Variants in CFAP54 observed in about 807,000 individuals in gnomAD.
CFAP54 encodes the protein cilia- and flagella-associated protein 54.
CFAP54 carries 290 observed loss-of-function variants against 370.4 expected under a neutral mutation model. The ratio of observed to expected loss-of-function variants is 0.78; its 90% CI spans 0.71 to 0.86. The LOEUF is 0.86. CFAP54 is among the 40% of genes least tolerant of loss of function. The pLI, the probability that CFAP54 is intolerant of heterozygous loss-of-function variation, is 0.00. For missense variants in CFAP54, 3,399 were observed against 3,528.7 expected (o/e 0.96, Z 0.93); for synonymous variants, 1,206 against 1,236.5 (o/e 0.98, Z 0.52).
chr12:96,870,215 C>T (rs529993797), intron 67 of CFAP54, among the ~76,000 whole-genome samples: 2 of 151,362 alleles, frequency 1.3e-5, no homozygotes, highest in South Asian at 4.2e-4. Context: ...GAGCCGAGAT[C>T]GCACCACCGC....
chr12:96,708,476 A>G (rs2136590903), intron 47 of CFAP54, 132 bp from the exon 48 acceptor site: 2 of 687,020 alleles, frequency 2.9e-6, no homozygotes, highest in Non-Finnish European at 4.9e-6. Context: ...TAGACCTCCC[A>G]TTTACAATAC....
chr12:96,511,908 A>G lies in CFAP54; in HGVS notation c.740-1078A>G, dbSNP rs866567948. On this transcript the variant is annotated intron_variant, in intron 4 of 67. Coordinates refer to ENST00000524981, the MANE Select transcript of CFAP54 (RefSeq NM_001306084.2). ...CTGTTACAATTACATGCCTTTTTAA[A>G]GCATGCTACCATCTTTTGGGTATGT... is the stretch of plus-strand genomic sequence containing the variant. 5.3e-5 allele frequency among the ~76,000 whole-genome samples: 8 copies of G among 152,328 alleles called. 1 individual carries two copies. The Middle Eastern group carries it at 0.014, about 259-fold the overall frequency.
chr12:96,627,018 T>C, intron 30 of CFAP54, 79 bp downstream of exon 30: 1 of 1,084,160 alleles, frequency 9.2e-7, no homozygotes, highest in Non-Finnish European at 1.2e-6. Flanking sequence ...AAATATAAGG[T>C]AGACGAAAAA....
intron 61 of CFAP54, among the ~76,000 whole-genome samples, chr12:96,785,325 T>C (rs1205356849): frequency 6.6e-6 from 1 of 152,014 alleles, no homozygotes; most frequent in African/African-American, 2.4e-5. Flanking sequence ...TTTTTTTTAA[T>C]CATTGGTGCT....
intron 66 of CFAP54, among the ~76,000 whole-genome samples, chr12:96,849,934 G>C (rs1374580170): frequency 6.6e-6 from 1 of 152,062 alleles, no homozygotes; most frequent in Non-Finnish European, 1.5e-5. Context: ...AGCCTTTCCT[G>C]ACCTAGGGAA....
At chr12:96,791,341 T>G (rs544147570) in intron 62 of CFAP54, among the ~76,000 whole-genome samples, 8 of 152,176 alleles carry the variant, frequency 5.3e-5, no homozygotes, top group Non-Finnish European at 1.2e-4. Flanking sequence ...TATTGTTTTG[T>G]TGATCATTAG....
intron 39 of CFAP54, among the ~76,000 whole-genome samples, chr12:96,664,730 T>G (rs1390838931): frequency 1.6e-4 from 2 of 12,816 alleles, no homozygotes; most frequent in African/African-American, 4.7e-4. Flanking sequence ...TATATCTATA[T>G]ATATATATCT....
At chr12:96,807,283 C>T (rs1958891708) in intron 63 of CFAP54, among the ~76,000 whole-genome samples, 1 of 152,194 alleles carries the variant, frequency 6.6e-6, no homozygotes, top group Non-Finnish European at 1.5e-5. Flanking sequence ...AAACTTTTCT[C>T]ATCCCTACTA....
chr12:96,538,877 C>G (rs1026242871), intron 13 of CFAP54, among the ~76,000 whole-genome samples: 4 of 151,724 alleles, frequency 2.6e-5, no homozygotes, highest in East Asian at 3.9e-4. Flanking sequence ...CTCAGCCTCC[C>G]TAGTAGCTGG....
In CFAP54 at chr12:96,832,285, AT is replaced by A. The variant is rs200722226; in HGVS notation, c.9171+3198del. ...TTTTTCTTTTGTAAAAAAAAAAAAT[AT>A]ATATATATATAGGTTATAAAAAAGA... is the stretch of plus-strand genomic sequence containing the variant. On this transcript the variant is annotated intron_variant, in intron 66 of 67. Coordinates refer to ENST00000524981, the MANE Select transcript of CFAP54 (RefSeq NM_001306084.2). Among the ~76,000 whole-genome samples, 53 of 59,466 alleles carry A rather than the reference AT, an allele frequency of 8.9e-4. 1 individual carries two copies. The highest frequency in any genetic ancestry group is 2.0e-3 in the African/African-American group (42 of 20,886). The allele number at this position is 59,466 out of a possible 152,430, so 39.0% of individuals were successfully genotyped here. A position where few individuals can be genotyped will look rare whatever the true frequency, so the allele number is the denominator to read the frequency against.
In CFAP54 at chr12:96,534,177, A is replaced by G. The variant is rs908131153; in HGVS notation, c.1655A>G (p.Tyr552Cys). ...NKGLIFPLEN[Y>C]KEGQSTQIYL... ...GGTTTGATCTTTCCTTTGGAAAACT[A>G]TAAAGAAGGACAGTCAACTCAAATT... Residue 552 changes from tyrosine (Y) to cysteine (C), a missense_variant, in exon 11 of 68, where the codon TAT (tyrosine) becomes TGT (cysteine). By Grantham distance (194) the Tyr-to-Cys change is radical (BLOSUM62 -2). Coordinates refer to ENST00000524981, the MANE Select transcript of CFAP54 (RefSeq NM_001306084.2). 4.0e-6 allele frequency: 6 copies of G among 1,510,370 alleles called. No individual in the cohort carries two copies. The East Asian group carries it at 9.8e-5, about 25-fold the overall frequency. 93.6% of individuals were successfully genotyped at this position (1,510,370 alleles called of 1,614,324 possible).
chr12:96,533,855 T>A lies in CFAP54; in HGVS notation c.1421T>A (p.Ile474Lys). 1 of 1,535,108 alleles carries A rather than the reference T, an allele frequency of 6.5e-7. No individual in the cohort carries two copies. Among genetic ancestry groups the A allele is most frequent in the Non-Finnish European group, 8.7e-7 (1 of 1,146,372 alleles). Residue 474 changes from isoleucine (I) to lysine (K), a missense_variant, in exon 10 of 68, where the codon ATA (isoleucine) becomes AAA (lysine). By Grantham distance (102) the Ile-to-Lys change is moderately radical. This residue lies in a region of CFAP54 where 559 missense variants were observed against 576.7 expected (regional missense o/e 0.97). Coordinates refer to ENST00000524981, the MANE Select transcript of CFAP54 (RefSeq NM_001306084.2). The part of the protein sequence containing the change: ...FPKTSLLELM[I>K]GRKDVISVDA... ...AAAACATCTCTTCTGGAACTTATGA[T>A]AGGAAGAAAAGATGTTATTTCTGTG...
rs375474267 is a variant in CFAP54, at chr12:96,693,719, T to C, written c.6265-3T>C. ...GAAACAAAGAGTGTTTTTCTCCTGA[T>C]AGGTTCTGCCTCTCCTTGCATTGTA... On this transcript the variant is annotated splice_polypyrimidine_tract_variant and splice_region_variant and intron_variant, in intron 44 of 67. Coordinates refer to ENST00000524981, the MANE Select transcript of CFAP54 (RefSeq NM_001306084.2). The C allele has an allele frequency of 3.0e-5, 46 of 1,554,218 alleles. No individual in the cohort carries two copies. In the African/African-American group the frequency reaches 3.2e-4, roughly 11 times the overall value.
intron 60 of CFAP54, among the ~76,000 whole-genome samples, chr12:96,770,806 G>A (rs1326252905): frequency 2.0e-5 from 3 of 152,228 alleles, no homozygotes; most frequent in East Asian, 1.9e-4. Flanking sequence ...GAGAGGTTAT[G>A]TAACTTGTGT....
intron 42 of CFAP54, among the ~76,000 whole-genome samples, chr12:96,685,854 A>G (rs931011100): frequency 9.9e-5 from 15 of 152,194 alleles, no homozygotes; most frequent in African/African-American, 3.4e-4. Flanking sequence ...GTCTGGCTCA[A>G]CAATGACTTG....
chr12:96,703,083 A>G (rs1200259885), intron 46 of CFAP54, among the ~76,000 whole-genome samples: 1 of 152,188 alleles, frequency 6.6e-6, no homozygotes, highest in African/African-American at 2.4e-5. Flanking sequence ...AAGAAGGGAA[A>G]AATTTTTAAA....
At chr12:96,622,238 A>C (rs909570193) in intron 27 of CFAP54, among the ~76,000 whole-genome samples, 2 of 152,000 alleles carry the variant, frequency 1.3e-5, no homozygotes, top group African/African-American at 4.8e-5. Flanking sequence ...GTCTTACAAG[A>C]ACTTATGCTT....
intron 5 of CFAP54, among the ~76,000 whole-genome samples, chr12:96,518,361 ATGTT>A (rs572957054): frequency 1.3e-5 from 2 of 152,326 alleles, no homozygotes; most frequent in East Asian, 3.9e-4. Context: ...GACATGGTAA[ATGTT>A]AATAAAAATG....
intron 31 of CFAP54, 50 bp downstream of exon 31, chr12:96,630,254 A>G: frequency 1.0e-6 from 1 of 956,478 alleles, no homozygotes; most frequent in Non-Finnish European, 1.5e-6. Context: ...TAAGAGATTC[A>G]TGTATCTAGA....
Sources: allele counts gnomAD v4.1 joint callset (sites outside exome capture counted in the v4.1 genomes callset), GRCh38; gene constraint gnomAD v4.1.1; regional missense constraint gnomAD v4.1.1; transcripts MANE v1.5; gene names NCBI Gene and HGNC (gene_info 2026-07-23, HGNC 2026-07-21).